The following ZNF536 variants were observed in gnomAD, a reference collection of about 807,000 sequenced individuals.
ZNF536 encodes the protein zinc finger protein 536.
Under a neutral mutation model 84.5 loss-of-function variants are expected in ZNF536, and 13 were observed. The ratio of observed to expected loss-of-function variants is 0.15; its 90% CI spans 0.10 to 0.24. The LOEUF (loss-of-function observed/expected upper bound fraction) is 0.24, where lower values mean the gene tolerates loss of function less well. Ranked by LOEUF, ZNF536 falls within the 10% of genes least tolerant of loss-of-function variation. The probability of loss-of-function intolerance (pLI) is 1.00; values close to 1 mark genes in which losing one functional copy is unlikely to be tolerated. For synonymous variants in ZNF536, 811 were observed against 742.5 expected (o/e 1.09, Z -1.50); for missense variants, 1,536 against 1,747.5 (o/e 0.88, Z 2.16).
At chr19:30,449,205 A>G (rs1185903918) in intron 2 of ZNF536, among the ~76,000 whole-genome samples, 1 of 152,176 alleles carries the variant, frequency 6.6e-6, no homozygotes, top group East Asian at 1.9e-4. Flanking sequence ...CTTACCAGTA[A>G]TTTCACACCG....
chr19:30,481,732 G>A lies in ZNF536; in HGVS notation c.2170+36000G>A, dbSNP rs138239174. ...GGGTGGCTTTTGGTAACATGGGTAA[G>A]TTGTTTAGTGGTGATTTCTGAAATT... On this transcript the variant is annotated intron_variant, in intron 2 of 4. Coordinates refer to ENST00000355537, the MANE Select transcript of ZNF536 (RefSeq NM_014717.3). 4.7e-4 allele frequency among the ~76,000 whole-genome samples: 71 copies of A among 152,118 alleles called. 1 individual carries two copies. The East Asian group carries it at 0.012, about 26-fold the overall frequency.
chr19:30,553,874 G>A (rs867743202), intron 4 of ZNF536: 3 of 152,300 alleles, frequency 2.0e-5, no homozygotes, highest in Middle Eastern at 6.8e-3. Context: ...TTGTGGGCAC[G>A]AGGCCCTATG....
chr19:30,278,652 C>T (rs2045328038), intron 1 of ZNF536, among the ~76,000 whole-genome samples: 2 of 152,058 alleles, frequency 1.3e-5, no homozygotes, highest in South Asian at 4.2e-4. Context: ...GCGTGGCTGA[C>T]TCTGGGCTCT....
upstream of ZNF536, among the ~76,000 whole-genome samples, chr19:30,368,382 A>G (rs2048505580): frequency 6.6e-6 from 1 of 152,190 alleles, no homozygotes; most frequent in South Asian, 2.1e-4. Flanking sequence ...GTGTCACCAA[A>G]TCCTCTCCCT....
chr19:30,550,709 G>T (rs2045745326), intron 4 of ZNF536, among the ~76,000 whole-genome samples: 1 of 152,148 alleles, frequency 6.6e-6, no homozygotes, highest in Non-Finnish European at 1.5e-5. Flanking sequence ...GCACAGAGAA[G>T]AATTCAGGAA....
intron 1 of ZNF536, among the ~76,000 whole-genome samples, chr19:30,233,597 C>T (rs915501985): frequency 2.0e-5 from 3 of 152,090 alleles, no homozygotes; most frequent in African/African-American, 7.2e-5. Flanking sequence ...GTCCTCCCAC[C>T]TCAGCCTACC....
At chr19:30,670,791 C>A (rs1362431502) in intron 1 of ZNF536, among the ~76,000 whole-genome samples, 1 of 152,222 alleles carries the variant, frequency 6.6e-6, no homozygotes, top group Admixed American at 6.5e-5. Flanking sequence ...ATTCCCGGGT[C>A]CATCCCTTCA....
chr19:30,414,581 C>A (rs575359987), intron 1 of ZNF536, among the ~76,000 whole-genome samples: 5 of 152,262 alleles, frequency 3.3e-5, no homozygotes, highest in African/African-American at 1.2e-4. Flanking sequence ...TGCACATATG[C>A]ATTCAGCATC....
intron 1 of ZNF536, among the ~76,000 whole-genome samples, chr19:30,269,428 G>A (rs548531467): frequency 3.9e-5 from 6 of 152,216 alleles, no homozygotes; most frequent in African/African-American, 1.4e-4. Context: ...GAGGGGGAGA[G>A]AATCCTACAA....
chr19:30,598,902 C>G lies in ZNF536; in HGVS notation c.169+49388C>G, dbSNP rs571675165. Among the ~76,000 whole-genome samples, 98 of 151,000 alleles carry G rather than the reference C, an allele frequency of 6.5e-4. 1 individual carries two copies. Among genetic ancestry groups the G allele is most frequent in the African/African-American group, 2.2e-3 (92 of 41,086 alleles). ...ATTTTTTCCTCCTTCCCTTGTGTGC[C>G]TGCCTCTCTCACTCCTTCTTCCCTT... On this transcript the variant is annotated intron_variant, in intron 1 of 1. Transcript: ENST00000592773.
At chr19:30,657,938 C>T (rs142809703) in intron 1 of ZNF536, among the ~76,000 whole-genome samples, 32 of 152,244 alleles carry the variant, frequency 2.1e-4, no homozygotes, top group East Asian at 1.2e-3. Context: ...CGTTTTTACA[C>T]GCTTCAGCTA....
At chr19:30,374,690 G>GC (rs1555734596) in intron 1 of ZNF536, among the ~76,000 whole-genome samples, 10 of 150,290 alleles carry the variant, frequency 6.7e-5, no homozygotes, top group Admixed American at 5.9e-4. Context: ...ACTGAGTGTT[G>GC]TTTTTTTTTC....
chr19:30,281,668 G>A (rs2045449540), intron 1 of ZNF536, among the ~76,000 whole-genome samples: 1 of 152,194 alleles, frequency 6.6e-6, no homozygotes, highest in African/African-American at 2.4e-5. Context: ...CCTTATCTGT[G>A]CTTTAAGAGG....
chr19:30,510,061 T>C (rs1399717496), intron 2 of ZNF536, among the ~76,000 whole-genome samples: 2 of 152,156 alleles, frequency 1.3e-5, no homozygotes, highest in Non-Finnish European at 1.5e-5. Flanking sequence ...TGGAAGTTTA[T>C]AAAATGGAAG....
chr19:30,582,375 CTT>C (rs35509271), intron 1 of ZNF536, among the ~76,000 whole-genome samples: 13 of 89,154 alleles, frequency 1.5e-4, no homozygotes, highest in Non-Finnish European at 1.8e-4. Context: ...CCTAGTTTCT[CTT>C]TTTTTTTTTT....
At chr19:30,662,713 C>T (rs2050166210) in intron 1 of ZNF536, among the ~76,000 whole-genome samples, 1 of 152,030 alleles carries the variant, frequency 6.6e-6, no homozygotes, top group Admixed American at 6.6e-5. Flanking sequence ...CAATTGGAAA[C>T]TGAAAGCCAT....
At chr19:30,298,274 A>T (rs1037475343) in intron 2 of ZNF536, among the ~76,000 whole-genome samples, 4 of 152,066 alleles carry the variant, frequency 2.6e-5, no homozygotes, top group Non-Finnish European at 5.9e-5. Flanking sequence ...GAAATTCAAG[A>T]TGTATCACCA....
Position 30,458,447 on chromosome 19 carries a change from G to GTTT in ZNF536, c.2170+12736_2170+12738dup, listed in dbSNP as rs3084731. Among the ~76,000 whole-genome samples the GTTT allele has an allele frequency of 1.6e-3, 135 of 83,434 alleles. 5 individuals carry two copies. The highest frequency in any genetic ancestry group is 3.6e-3 in the African/African-American group (64 of 17,906). The allele number at this position is 83,434 out of a possible 152,430, so 54.7% of individuals were successfully genotyped here. A position where few individuals can be genotyped will look rare whatever the true frequency, so the allele number is the denominator to read the frequency against. Reference sequence around the variant, plus strand: ...CCAAGTATTTCCTCAATTTCCTGCTGTTTTTTTTTTTTTTTTTTTTTTTGA... The same window carrying GTTT: ...CCAAGTATTTCCTCAATTTCCTGCTGTTTTTTTTTTTTTTTTTTTTTTTTTTGA... On this transcript the variant is annotated intron_variant, in intron 2 of 4. Transcript: ENST00000355537.
chr19:30,630,621 C>G (rs749218579), intron 1 of ZNF536, among the ~76,000 whole-genome samples: 2 of 152,182 alleles, frequency 1.3e-5, no homozygotes, highest in Non-Finnish European at 2.9e-5. Context: ...TTGAAAAATC[C>G]TCTGTTCTCC....
Sources: allele counts gnomAD v4.1 joint callset (sites outside exome capture counted in the v4.1 genomes callset), GRCh38; gene constraint gnomAD v4.1.1; transcripts MANE v1.5; gene names NCBI Gene and HGNC (gene_info 2026-07-23, HGNC 2026-07-21).